The following ARID1B variants were observed in gnomAD, a reference collection of about 807,000 sequenced individuals.
ARID1B encodes AT-rich interactive domain-containing protein 1B.
ARID1B carries 30 observed loss-of-function variants against 212.3 expected under a neutral mutation model. The ratio of observed to expected loss-of-function variants is 0.14; its 90% CI spans 0.11 to 0.19. The LOEUF (loss-of-function observed/expected upper bound fraction) is 0.19, where lower values mean the gene tolerates loss of function less well. Ranked by LOEUF, ARID1B falls within the 10% of genes least tolerant of loss-of-function variation. The probability of loss-of-function intolerance (pLI) is 1.00; values close to 1 mark genes in which losing one functional copy is unlikely to be tolerated. For missense variants in ARID1B, 2,891 were observed against 3,204.0 expected (o/e 0.90, Z 2.36); for synonymous variants, 1,402 against 1,301.7 (o/e 1.08, Z -1.66).
At chr6:156,857,929 C>G (rs796569108) in intron 2 of ARID1B, among the ~76,000 whole-genome samples, 3 of 152,040 alleles carry the variant, frequency 2.0e-5, no homozygotes, top group Non-Finnish European at 2.9e-5. Context: ...AGTGTTTGTG[C>G]GTCAACATAT....
At chr6:156,821,582 C>T (rs1316746968) in intron 1 of ARID1B, among the ~76,000 whole-genome samples, 1 of 152,200 alleles carries the variant, frequency 6.6e-6, no homozygotes, top group East Asian at 1.9e-4. Context: ...GTCAGGCTCT[C>T]TGCAGTTCTA....
chr6:156,931,512 G>A lies in ARID1B; in HGVS notation c.2137-3954G>A, dbSNP rs181112791. Among the ~76,000 whole-genome samples the A allele has an allele frequency of 2.0e-5, 3 of 152,254 alleles. No homozygotes were observed. The East Asian group carries it at 5.8e-4, about 29-fold the overall frequency. ...CGCAAAGGGAATAAGCCCATAGTAG[G>A]CATTCAGTCAGCGTCTACGACATTT... is the stretch of plus-strand genomic sequence containing the variant. On this transcript the variant is annotated intron_variant, in intron 3 of 19. Coordinates refer to ENST00000636930, the MANE Select transcript of ARID1B (RefSeq NM_001374828.1).
chr6:156,971,826 C>T lies in ARID1B; in HGVS notation c.2247+36250C>T, dbSNP rs115554143. On this transcript the variant is annotated intron_variant, in intron 4 of 19. Transcript: ENST00000636930. ...CTCCTGCTTAGAACGGGCCTACCCA[C>T]GATAATTTCCTTTTCGATTAACTAA... 5.3e-3 allele frequency among the ~76,000 whole-genome samples: 813 copies of T among 152,288 alleles called. 7 individuals are homozygous for T. Among genetic ancestry groups the T allele is most frequent in the African/African-American group, 0.019 (783 of 41,560 alleles).
At chr6:156,965,843 T>A (rs1053232255) in intron 4 of ARID1B, among the ~76,000 whole-genome samples, 3 of 152,354 alleles carry the variant, frequency 2.0e-5, no homozygotes, top group African/African-American at 7.2e-5. Context: ...AATTTATTAA[T>A]CATTAATAAA....
At chr6:156,856,701 C>CTCTCTT (rs60186158) in intron 2 of ARID1B, among the ~76,000 whole-genome samples, 1 of 18,476 alleles carries the variant, frequency 5.4e-5, no homozygotes, top group Non-Finnish European at 1.3e-4. Context: ...CTCTCTCTCT[C>CTCTCTT]ACACACACAC....
chr6:157,044,297 C>G (rs1388550669), intron 4 of ARID1B, among the ~76,000 whole-genome samples: 1 of 151,988 alleles, frequency 6.6e-6, no homozygotes, highest in African/African-American at 2.4e-5. Context: ...GTATTTTCAA[C>G]TGTGGAAAAT....
In ARID1B at chr6:157,203,581, G is replaced by A. The variant is rs767951563; in HGVS notation, c.5264-285G>A. On this transcript the variant is annotated intron_variant, in intron 18 of 19. Transcript: ENST00000636930. The surrounding 1 kb of genome is among the most constrained non-coding windows in gnomAD (Gnocchi z 4.4). ...GTAGGGTGGCTGAAAGAAATAACCC[G>A]GCCATGAGAAAGGACCATCTGTGCT... 2 of 363,162 alleles carry A rather than the reference G, an allele frequency of 5.5e-6. No homozygotes were observed. The highest frequency in any genetic ancestry group is 1.0e-5 in the Non-Finnish European group (2 of 193,982). The allele number at this position is 363,162 out of a possible 1,614,324, so 22.5% of individuals were successfully genotyped here.
chr6:156,981,679 C>G (rs1433694764), intron 4 of ARID1B, among the ~76,000 whole-genome samples: 1 of 152,136 alleles, frequency 6.6e-6, no homozygotes, highest in Non-Finnish European at 1.5e-5. Context: ...TTGGTTAAGA[C>G]TGCATTACTG....
intron 7 of ARID1B, among the ~76,000 whole-genome samples, chr6:157,137,129 TCTGATCACA>T (rs766711716): frequency 4.4e-4 from 65 of 149,166 alleles, no homozygotes; most frequent in Non-Finnish European, 7.9e-4. Context: ...TGCAGTGAGC[TCTGATCACA>T]CCACTGCTCT....
At chr6:156,776,531 G>A (rs2046556156), upstream of ARID1B, 1 of 152,152 alleles carries the variant, frequency 6.6e-6, no homozygotes, top group African/African-American at 2.4e-5. Flanking sequence ...ATGAAGATAC[G>A]AGCTAACCCA....
At chr6:157,039,778 T>TACC (rs1330947532) in intron 4 of ARID1B, among the ~76,000 whole-genome samples, 3 of 131,076 alleles carry the variant, frequency 2.3e-5, no homozygotes, top group African/African-American at 9.2e-5. Context: ...CCTACCTACC[T>TACC]TCCTTCCTTC....
rs1794020688 is a variant in ARID1B at position 157,200,523 on chromosome 6, G to C, written c.4480-182G>C. 6.6e-6 allele frequency among the ~76,000 whole-genome samples: 1 copy of C among 152,112 alleles called. No homozygotes were observed. The highest frequency in any genetic ancestry group is 1.5e-5 in the Non-Finnish European group (1 of 68,014). On this transcript the variant is annotated intron_variant, in intron 17 of 19. Coordinates refer to ENST00000636930, the MANE Select transcript of ARID1B (RefSeq NM_001374828.1). This position sits in a 1 kb window ranked among gnomAD's most constrained non-coding sequence, Gnocchi z 4.3. Reference sequence around the variant, plus strand: ...TTTGGATGCTCTCTCCTCAGTGTGTGACATGGTGTATATAATACTGAAATA... The same window carrying C: ...TTTGGATGCTCTCTCCTCAGTGTGTCACATGGTGTATATAATACTGAAATA...
At chr6:156,965,334 A>G (rs1348287892) in intron 4 of ARID1B, among the ~76,000 whole-genome samples, 1 of 152,216 alleles carries the variant, frequency 6.6e-6, no homozygotes, top group Non-Finnish European at 1.5e-5. Flanking sequence ...TCCACCCTTC[A>G]TGAAGGCACC....
intron 4 of ARID1B, among the ~76,000 whole-genome samples, chr6:156,961,193 C>T (rs1794348319): frequency 6.6e-6 from 1 of 152,212 alleles, no homozygotes. Flanking sequence ...GGTGCGTGCT[C>T]TGCGACAGAG....
intron 4 of ARID1B, among the ~76,000 whole-genome samples, chr6:157,035,693 G>A (rs1019054101): frequency 1.3e-5 from 2 of 152,134 alleles, no homozygotes; most frequent in Non-Finnish European, 2.9e-5. Context: ...CTATGAAAAC[G>A]AGGCTGCTCA....
At chr6:157,021,215 C>G (rs910550586) in intron 4 of ARID1B, among the ~76,000 whole-genome samples, 2 of 152,238 alleles carry the variant, frequency 1.3e-5, no homozygotes, top group African/African-American at 4.8e-5. Flanking sequence ...GCGTCCACAC[C>G]TCGCCTTGGT....
intron 4 of ARID1B, among the ~76,000 whole-genome samples, chr6:157,033,696 T>C (rs1781152130): frequency 1.3e-5 from 2 of 152,186 alleles, no homozygotes; most frequent in African/African-American, 4.8e-5. Context: ...GAGTGAGGAC[T>C]GTAAATGGCT....
chr6:156,817,080 T>TAAAAAAAAAAAAG (rs542381715), intron 1 of ARID1B, among the ~76,000 whole-genome samples: 1 of 135,158 alleles, frequency 7.4e-6, no homozygotes, highest in African/African-American at 2.7e-5. Context: ...GCCCTTTAAT[T>TAAAAAAAAAAAAG]AAAAAAAAAA....
chr6:157,162,092 A>G (rs1171359027), intron 8 of ARID1B, among the ~76,000 whole-genome samples: 1 of 152,234 alleles, frequency 6.6e-6, no homozygotes, highest in African/African-American at 2.4e-5. Context: ...GAACTGTATC[A>G]GAAACCCATT....
Sources: gnomAD v4.1 joint callset for allele counts (sites outside exome capture counted in the v4.1 genomes callset) on GRCh38, gnomAD v4.1.1 for gene constraint, Gnocchi (gnomAD v3.1) non-coding constraint, MANE v1.5 for transcripts, NCBI Gene and HGNC (gene_info 2026-07-23, HGNC 2026-07-21) for gene names.